Variants in ZDHHC17 observed in about 807,000 individuals in gnomAD.
The protein encoded by ZDHHC17 is zDHHC palmitoyltransferase 17, also known as palmitoyltransferase ZDHHC17.
Under a neutral mutation model 90.3 loss-of-function variants are expected in ZDHHC17, and 40 were observed. The observed-to-expected ratio is 0.44, with a 90% CI of 0.34 to 0.58. The LOEUF (loss-of-function observed/expected upper bound fraction) is 0.58, where lower values mean the gene tolerates loss of function less well. ZDHHC17 is among the 20% of genes least tolerant of loss of function. The probability of loss-of-function intolerance (pLI) is 0.01; values close to 1 mark genes in which losing one functional copy is unlikely to be tolerated. For missense variants in ZDHHC17, 614 were observed against 780.8 expected, an observed-to-expected ratio of 0.79 and a Z score of 2.55; for synonymous variants, 235 against 252.4, an observed-to-expected ratio of 0.93 and a Z score of 0.65.
At chr12:76,837,653 A>G (rs2137798165) in intron 10 of ZDHHC17, among the ~76,000 whole-genome samples, 1 of 152,290 alleles carries the variant, frequency 6.6e-6, no homozygotes, top group East Asian at 1.9e-4. Context: ...ATATTTGTAT[A>G]CTATATGTAA....
In ZDHHC17 at chr12:76,851,277, CA is replaced by C. The variant is rs1021089776; in HGVS notation, c.*299del. On this transcript the variant is annotated 3_prime_UTR_variant, in exon 17 of 17. Coordinates refer to ENST00000426126, the MANE Select transcript of ZDHHC17 (RefSeq NM_015336.4). ...GGTTTTGTTCTCACAGTATTTTTCACAAAAAAAGGGTAAACTTATTCTATTG... is the reference window on the plus strand; with the variant it reads ...GGTTTTGTTCTCACAGTATTTTTCACAAAAAAGGGTAAACTTATTCTATTG... 8 of 339,572 alleles carry C rather than the reference CA, an allele frequency of 2.4e-5. No homozygotes were observed. The highest frequency in any genetic ancestry group is 1.6e-4 in the East Asian group (2 of 12,686). 21.0% of individuals were successfully genotyped at this position (339,572 alleles called of 1,614,324 possible).
intron 6 of ZDHHC17, 41 bp from the exon 7 acceptor site, chr12:76,815,816 G>A: frequency 1.4e-6 from 2 of 1,439,084 alleles, no homozygotes; most frequent in Non-Finnish European, 1.8e-6. Context: ...TTGAAATTAG[G>A]GTTGTTGTTG....
chr12:76,814,208 T>C (rs1321408129), intron 5 of ZDHHC17, among the ~76,000 whole-genome samples: 1 of 151,890 alleles, frequency 6.6e-6, no homozygotes, highest in Admixed American at 6.6e-5. Context: ...CAAGGAGAAT[T>C]AGATAACTAG....
rs2137814741 is a variant in ZDHHC17 at position 76,853,560 on chromosome 12, C to G, written c.*2575C>G. On this transcript the variant is annotated 3_prime_UTR_variant, in exon 17 of 17. Coordinates refer to ENST00000426126, the MANE Select transcript of ZDHHC17 (RefSeq NM_015336.4). Reference sequence around the variant, plus strand: ...ATATTTTCTTTATTTATAACTGTGCCAAGTATTATTTTGCTACTTACCGTG... The same window carrying G: ...ATATTTTCTTTATTTATAACTGTGCGAAGTATTATTTTGCTACTTACCGTG... The G allele has an allele frequency of 6.6e-6, 1 of 152,040 alleles. No individual in the cohort carries two copies. The highest frequency in any genetic ancestry group is 6.6e-5 in the Admixed American group (1 of 15,212). The allele number at this position is 152,040 out of a possible 1,614,324, so 9.4% of individuals were successfully genotyped here. A position where few individuals can be genotyped will look rare whatever the true frequency, so the allele number is the denominator to read the frequency against.
intron 12 of ZDHHC17, chr12:76,845,105 C>T (rs1430370032): frequency 6.6e-6 from 1 of 151,912 alleles, no homozygotes; most frequent in African/African-American, 2.4e-5. Flanking sequence ...TAAATATGGT[C>T]ATTTCAGCAG....
intron 2 of ZDHHC17, among the ~76,000 whole-genome samples, chr12:76,801,256 G>A (rs1048742273): frequency 1.3e-5 from 2 of 149,570 alleles, no homozygotes; most frequent in African/African-American, 4.9e-5. Flanking sequence ...TTTTTTTTGT[G>A]TGTTTAGTTC....
At chr12:76,840,750 C>T (rs1280330537) in intron 10 of ZDHHC17, among the ~76,000 whole-genome samples, 1 of 152,166 alleles carries the variant, frequency 6.6e-6, no homozygotes, top group Non-Finnish European at 1.5e-5. Flanking sequence ...CAAGGAAAGA[C>T]ATTTTTAAAG....
intron 10 of ZDHHC17, among the ~76,000 whole-genome samples, chr12:76,835,766 G>A (rs1397176979): frequency 6.6e-6 from 1 of 151,914 alleles, no homozygotes; most frequent in Non-Finnish European, 1.5e-5. Context: ...TCAGTACACT[G>A]TGGAATAGAC....
intron 15 of ZDHHC17, 42 bp from the exon 16 acceptor site, chr12:76,849,334 A>AAAC (rs1953535929): frequency 1.8e-6 from 2 of 1,102,480 alleles, no homozygotes; most frequent in South Asian, 1.5e-5. Context: ...AAAAAAAAAA[A>AAAC]AAAAAAACAA....
At chr12:76,773,545 A>G (rs1281800338) in intron 1 of ZDHHC17, among the ~76,000 whole-genome samples, 5 of 152,184 alleles carry the variant, frequency 3.3e-5, no homozygotes, top group African/African-American at 9.7e-5. Context: ...TGCAAAGTGT[A>G]TATGTTGAGC....
At chr12:76,776,549 C>T (rs566082633) in intron 1 of ZDHHC17, among the ~76,000 whole-genome samples, 362 of 152,114 alleles carry the variant, frequency 2.4e-3, no homozygotes, top group African/African-American at 8.3e-3. Context: ...TTTCTGAATA[C>T]AATTTGGACA....
At chr12:76,846,384 T>C in intron 13 of ZDHHC17, 2 of 521,786 alleles carry the variant, frequency 3.8e-6, no homozygotes, top group South Asian at 2.9e-5. Flanking sequence ...TTGAACACCA[T>C]TGTCATCATT....
chr12:76,797,457 T>C lies in ZDHHC17; in HGVS notation c.117T>C (p.Tyr39=), dbSNP rs1952833758. Residue 39 remains tyrosine, a synonymous_variant, in exon 2 of 17, where the codon TAT becomes TAC. Transcript: ENST00000426126. ...AGGAAATCAAACCCCAAAGCCATTA[T>C]AACCATGGATATGGTGAACCTCTTG... ...HPEEIKPQSH[Y]NHGYGEPLGR... is the part of the protein sequence containing the mutation. 1 of 1,609,422 alleles carries C rather than the reference T, an allele frequency of 6.2e-7. No individual in the cohort carries two copies. The highest frequency in any genetic ancestry group is 8.5e-7 in the Non-Finnish European group (1 of 1,177,764).
At chr12:76,807,287 G>A (rs561630497) in intron 3 of ZDHHC17, among the ~76,000 whole-genome samples, 27 of 152,260 alleles carry the variant, frequency 1.8e-4, no homozygotes, top group South Asian at 8.3e-4. Flanking sequence ...GACTTTCAGC[G>A]GGAATATATG....
At chr12:76,777,143 A>G (rs1454876322) in intron 1 of ZDHHC17, among the ~76,000 whole-genome samples, 1 of 152,146 alleles carries the variant, frequency 6.6e-6, no homozygotes, top group Non-Finnish European at 1.5e-5. Flanking sequence ...CCTTCCCCAT[A>G]AGGATTCTTC....
intron 1 of ZDHHC17, among the ~76,000 whole-genome samples, chr12:76,773,385 A>G (rs1007414368): frequency 6.6e-6 from 1 of 152,144 alleles, no homozygotes; most frequent in Non-Finnish European, 1.5e-5. Context: ...ATATTCATTT[A>G]AAGTTCCTCC....
chr12:76,797,606 G>GAT, intron 2 of ZDHHC17, 69 bp downstream of exon 2: 3 of 1,228,546 alleles, frequency 2.4e-6, no homozygotes, highest in Non-Finnish European at 3.4e-6. Context: ...CTGAATAACA[G>GAT]TCATATTACT....
chr12:76,788,603 G>C (rs1334919816), intron 1 of ZDHHC17, among the ~76,000 whole-genome samples: 1 of 145,878 alleles, frequency 6.9e-6, no homozygotes, highest in Non-Finnish European at 1.5e-5. Context: ...CAGGAGTCAA[G>C]TACAATAAAA....
At chr12:76,788,887 G>A (rs1307161851) in intron 1 of ZDHHC17, among the ~76,000 whole-genome samples, 9 of 151,482 alleles carry the variant, frequency 5.9e-5, no homozygotes, top group African/African-American at 2.2e-4. Context: ...GTAGAGACGG[G>A]GTTTTCTCCA....
Sources: allele counts gnomAD v4.1 joint callset (sites outside exome capture counted in the v4.1 genomes callset), GRCh38; gene constraint gnomAD v4.1.1; transcripts MANE v1.5; gene names NCBI Gene and HGNC (gene_info 2026-07-23, HGNC 2026-07-21).